Variants in SLC5A4 observed in about 807,000 individuals in gnomAD.
SLC5A4 encodes the protein solute carrier family 5 member 4.
A neutral mutation model predicts 70.3 loss-of-function variants in SLC5A4; 55 were observed. The observed-to-expected ratio is 0.78, with a 90% CI of 0.63 to 0.98. SLC5A4 has a LOEUF of 0.98. Ranked by LOEUF, SLC5A4 falls within the 50% of genes least tolerant of loss-of-function variation. SLC5A4 has a pLI of 0.00. For synonymous variants in SLC5A4, 268 were observed against 305.7 expected (o/e 0.88, Z 1.29); for missense variants, 735 against 839.2 (o/e 0.88, Z 1.53).
chr22:32,308,093 A>C, the SLC5A4 span, among the ~76,000 whole-genome samples: 3 of 151,994 alleles, frequency 2.0e-5, no homozygotes, highest in East Asian at 3.9e-4. Context: ...ACCTACCTAG[A>C]GTCACTCTGT....
intron 11 of SLC5A4, 134 bp downstream of exon 11, chr22:32,229,060 T>G: frequency 1.4e-6 from 1 of 728,390 alleles, no homozygotes; most frequent in Non-Finnish European, 2.2e-6. Context: ...TTGAATTTGA[T>G]GTACTCCAAT....
the SLC5A4 span, among the ~76,000 whole-genome samples, chr22:32,333,880 TAC>T: frequency 2.8e-5 from 4 of 142,542 alleles, no homozygotes; most frequent in African/African-American, 1.1e-4. Flanking sequence ...ACAATACACA[TAC>T]ACACACACCC....
the SLC5A4 span, among the ~76,000 whole-genome samples, chr22:32,316,874 T>C: frequency 0.011 from 1,625 of 151,930 alleles, 19 homozygotes; most frequent in African/African-American, 0.036. Flanking sequence ...ATCCATTCCA[T>C]ATGCAGTTGG....
the SLC5A4 span, chr22:32,270,354 G>A: frequency 7.8e-7 from 1 of 1,285,586 alleles, no homozygotes; most frequent in South Asian, 1.2e-5. Context: ...CGGTGCTGCA[G>A]AAGAGCATCC....
the SLC5A4 span, among the ~76,000 whole-genome samples, chr22:32,352,204 T>TG: frequency 1.5e-5 from 2 of 136,416 alleles, no homozygotes; most frequent in Admixed American, 8.6e-5. Context: ...CACTCATAGG[T>TG]GGGAATTGAA....
the SLC5A4 span, among the ~76,000 whole-genome samples, chr22:32,339,174 G>A: frequency 2.0e-4 from 31 of 152,198 alleles, no homozygotes; most frequent in Admixed American, 1.3e-3. Flanking sequence ...TTAGAAGGGA[G>A]AAAAACGCAA....
the SLC5A4 span, among the ~76,000 whole-genome samples, chr22:32,308,522 G>A: frequency 6.6e-6 from 1 of 152,220 alleles, no homozygotes; most frequent in Non-Finnish European, 1.5e-5. Context: ...GACCTGAAGA[G>A]AGCTTTTGGG....
the SLC5A4 span, among the ~76,000 whole-genome samples, chr22:32,324,635 A>G: frequency 6.6e-6 from 1 of 152,218 alleles, no homozygotes; most frequent in Non-Finnish European, 1.5e-5. Context: ...TGTACCACAC[A>G]GCACCGTAGA....
chr22:32,229,787 TA>T (rs758894069), intron 10 of SLC5A4, among the ~76,000 whole-genome samples: 35 of 152,324 alleles, frequency 2.3e-4, no homozygotes, highest in Non-Finnish European at 4.9e-4. Context: ...TAAAATGACT[TA>T]AAGAGTGTAA....
intron 7 of SLC5A4, 116 bp from the exon 8 acceptor site, chr22:32,235,209 C>A: frequency 1.5e-6 from 1 of 667,560 alleles, no homozygotes; most frequent in African/African-American, 1.8e-5. Flanking sequence ...CCAGTCCAAT[C>A]CTCAGTGACC....
the SLC5A4 span, among the ~76,000 whole-genome samples, chr22:32,300,094 A>C: frequency 6.6e-6 from 1 of 151,126 alleles, no homozygotes; most frequent in African/African-American, 2.4e-5. Context: ...TGCAGAGGTT[A>C]CTGCTGTCTT....
At chr22:32,350,925 T>C in the SLC5A4 span, among the ~76,000 whole-genome samples, 2 of 151,062 alleles carry the variant, frequency 1.3e-5, no homozygotes, top group African/African-American at 4.9e-5. Flanking sequence ...AAAAAGTTCA[T>C]AACAAAGGTA....
At chr22:32,353,278 G>A in the SLC5A4 span, among the ~76,000 whole-genome samples, 1 of 152,038 alleles carries the variant, frequency 6.6e-6, no homozygotes, top group East Asian at 1.9e-4. Flanking sequence ...CTGAACCCCA[G>A]CCAGCCCTCC....
Position 32,237,212 on chromosome 22 carries a change from C to T in SLC5A4, c.664+32G>A, listed in dbSNP as rs766198691. The T allele has an allele frequency of 1.3e-5, 20 of 1,500,546 alleles. No homozygotes were observed. In the South Asian group the frequency reaches 2.2e-4, roughly 17 times the overall value. 93.0% of individuals were successfully genotyped at this position (1,500,546 alleles called of 1,614,324 possible). A position where few individuals can be genotyped will look rare whatever the true frequency, so the allele number is the denominator to read the frequency against. ...AGAAACAAGTCCCGTGATTTCCAGG[C>T]CCTGGGCACTGCACGCAGGGTCATC... is the stretch of plus-strand genomic sequence containing the variant. On this transcript the variant is annotated intron_variant, in intron 7 of 14. Transcript: ENST00000266086.
intron 13 of SLC5A4, among the ~76,000 whole-genome samples, chr22:32,224,016 G>T (rs1925238126): frequency 6.6e-6 from 1 of 151,998 alleles, no homozygotes; most frequent in African/African-American, 2.4e-5. Context: ...CGCCTCCCAG[G>T]TTCACGCCAT....
At chr22:32,324,490 A>G in the SLC5A4 span, among the ~76,000 whole-genome samples, 12 of 152,288 alleles carry the variant, frequency 7.9e-5, no homozygotes, top group Admixed American at 7.2e-4. Context: ...AGAAAGCCCC[A>G]GTGTGTTCTT....
At chr22:32,237,688 C>T (rs1187443591) in intron 6 of SLC5A4, among the ~76,000 whole-genome samples, 1 of 152,172 alleles carries the variant, frequency 6.6e-6, no homozygotes, top group East Asian at 1.9e-4. Flanking sequence ...TCTAGTGAAA[C>T]CACTTTTGCT....
chr22:32,270,967 AG>A, the SLC5A4 span: 4 of 534,088 alleles, frequency 7.5e-6, no homozygotes, highest in Non-Finnish European at 1.4e-5. Context: ...ACGATGAGCT[AG>A]GGGGCCACAG....
At chr22:32,279,149 A>T in the SLC5A4 span, among the ~76,000 whole-genome samples, 1 of 152,078 alleles carries the variant, frequency 6.6e-6, no homozygotes, top group African/African-American at 2.4e-5. Flanking sequence ...GGTGGCGGGC[A>T]CCTGTAGTCC....
Sources: gnomAD v4.1 joint callset for allele counts (sites outside exome capture counted in the v4.1 genomes callset) on GRCh38, gnomAD v4.1.1 for gene constraint, MANE v1.5 for transcripts, NCBI Gene and HGNC (gene_info 2026-07-23, HGNC 2026-07-21) for gene names.